Variants in SUFU observed in about 807,000 individuals in gnomAD.
SUFU encodes suppressor of fused homolog.
A neutral mutation model predicts 58.9 loss-of-function variants in SUFU; 7 were observed. The observed-to-expected ratio is 0.12, with a 90% CI of 0.07 to 0.22. SUFU has a LOEUF of 0.22. SUFU is among the 10% of genes least tolerant of loss of function. The pLI is 1.00. For missense variants in SUFU, 451 were observed against 641.3 expected (o/e 0.70, Z 3.20); for synonymous variants, 232 against 254.8 (o/e 0.91, Z 0.85).
chr10:102,558,218 T>A (rs2063001145), intron 3 of SUFU, among the ~76,000 whole-genome samples: 1 of 152,102 alleles, frequency 6.6e-6, no homozygotes, highest in African/African-American at 2.4e-5. Context: ...TTAATTGATT[T>A]TTGAGACAGG....
chr10:102,572,838 A>T (rs975901154), intron 3 of SUFU: 24 of 820,868 alleles, frequency 2.9e-5, no homozygotes, highest in Non-Finnish European at 5.1e-5. Flanking sequence ...TCTCTCCATC[A>T]CGCTGAATCA....
chr10:102,633,303 A>G lies in SUFU; in HGVS notation c.*3148A>G, dbSNP rs1393488526. The G allele has an allele frequency of 3.0e-5, 7 of 233,030 alleles. No homozygotes were observed. The highest frequency in any genetic ancestry group is 1.5e-4 in the African/African-American group (7 of 45,318). The allele number at this position is 233,030 out of a possible 1,614,324, so 14.4% of individuals were successfully genotyped here. On this transcript the variant is annotated 3_prime_UTR_variant, in exon 12 of 12. Coordinates refer to ENST00000369902, the MANE Select transcript of SUFU (RefSeq NM_016169.4). ...CAAGCAGATTTTTGTAAAATTTTAT[A>G]TTAGTTTTTAATGTCAGTGGCGACT... is the stretch of plus-strand genomic sequence containing the variant.
intron 3 of SUFU, among the ~76,000 whole-genome samples, chr10:102,570,319 G>A (rs1398861918): frequency 1.3e-5 from 2 of 151,950 alleles, no homozygotes; most frequent in Admixed American, 6.6e-5. Flanking sequence ...TCGGCTCACT[G>A]CAACCTCCGC....
rs202247757 is a variant in SUFU at position 102,597,307 on chromosome 10, C to T, written c.910+14C>T. ...TCTCTGGCAAAGGTGGGAGCCATCA[C>T]TCAGCATTCCACCAGCCTTCCTCCT... On this transcript the variant is annotated intron_variant, in intron 7 of 11. Coordinates refer to ENST00000369902, the MANE Select transcript of SUFU (RefSeq NM_016169.4). 1.8e-3 allele frequency: 2,824 copies of T among 1,610,006 alleles called. 3 individuals are homozygous for T. The highest frequency in any genetic ancestry group is 2.2e-3 in the Non-Finnish European group (2,534 of 1,178,144).
At chr10:102,609,707 A>G (rs1302932858) in intron 8 of SUFU, among the ~76,000 whole-genome samples, 1 of 152,206 alleles carries the variant, frequency 6.6e-6, no homozygotes, top group African/African-American at 2.4e-5. Context: ...GGTTGAATCT[A>G]TTATTTCAGC....
At chr10:102,515,465 G>A (rs532034079) in intron 2 of SUFU, among the ~76,000 whole-genome samples, 72 of 152,078 alleles carry the variant, frequency 4.7e-4, no homozygotes, top group Non-Finnish European at 9.1e-4. Context: ...ACAGGCGCAT[G>A]CCACCATGCC....
chr10:102,576,363 T>C (rs867089996), intron 3 of SUFU, among the ~76,000 whole-genome samples: 2 of 152,166 alleles, frequency 1.3e-5, no homozygotes, highest in South Asian at 4.1e-4. Context: ...TAAATGAAAC[T>C]GTACTGCCCT....
chr10:102,531,188 G>C, intron 2 of SUFU, among the ~76,000 whole-genome samples: 1 of 152,100 alleles, frequency 6.6e-6, no homozygotes, highest in Admixed American at 6.5e-5. Context: ...CTGGAAGGCT[G>C]AGGCAGCAGT....
Position 102,625,912 on chromosome 10 carries a change from G to A in SUFU, c.1297-1263G>A, listed in dbSNP as rs1223325507. ...AGCGTGGAAACTTTTGTTCTTGGCA[G>A]CTGACAATTCCCAGGGGAAACCTGG... On this transcript the variant is annotated intron_variant, in intron 10 of 11. Transcript: ENST00000369902. The surrounding 1 kb of genome is among the most constrained non-coding windows in gnomAD (Gnocchi z 4.7). Among the ~76,000 whole-genome samples the A allele has an allele frequency of 6.6e-6, 1 of 152,190 alleles. No homozygotes were observed. The highest frequency in any genetic ancestry group is 1.9e-4 in the East Asian group (1 of 5,196).
upstream of SUFU, among the ~76,000 whole-genome samples, chr10:102,503,645 C>A (rs1176142602): frequency 1.3e-5 from 2 of 152,160 alleles, no homozygotes; most frequent in African/African-American, 2.4e-5. Context: ...ATGAATCAAT[C>A]CATTGTCAGA....
intron 2 of SUFU, among the ~76,000 whole-genome samples, chr10:102,530,708 C>T (rs1480773777): frequency 3.3e-5 from 5 of 151,890 alleles, no homozygotes; most frequent in African/African-American, 2.4e-5. Context: ...ACTGCCTCGG[C>T]CTCCCAAAGT....
At chr10:102,548,529 T>C (rs1421416348) in intron 2 of SUFU, among the ~76,000 whole-genome samples, 1 of 152,228 alleles carries the variant, frequency 6.6e-6, no homozygotes, top group Admixed American at 6.5e-5. Flanking sequence ...GCTGTCATCT[T>C]AGTTTATGGT....
In SUFU at chr10:102,504,055, C is replaced by T. The variant is rs1377245204; in HGVS notation, c.-98C>T. 4 of 1,436,792 alleles carry T rather than the reference C, an allele frequency of 2.8e-6. No homozygotes were observed. Among genetic ancestry groups the T allele is most frequent in the Middle Eastern group, 2.5e-4 (1 of 3,990 alleles). The allele number at this position is 1,436,792 out of a possible 1,614,324, so 89.0% of individuals were successfully genotyped here. A position where few individuals can be genotyped will look rare whatever the true frequency, so the allele number is the denominator to read the frequency against. On this transcript the variant is annotated 5_prime_UTR_variant, in exon 1 of 12. Coordinates refer to ENST00000369902, the MANE Select transcript of SUFU (RefSeq NM_016169.4). ...GACCTCGCTGCAGCCCCCATCGCCT[C>T]GGGGAGTCTCACCCACCGAGTCCGC...
At chr10:102,521,850 T>C (rs990880402) in intron 2 of SUFU, among the ~76,000 whole-genome samples, 5 of 152,242 alleles carry the variant, frequency 3.3e-5, no homozygotes, top group Non-Finnish European at 7.3e-5. Context: ...TTTTTTTCAC[T>C]TATAAAAACA....
At chr10:102,569,446 C>G (rs1211209455) in intron 3 of SUFU, among the ~76,000 whole-genome samples, 1 of 152,196 alleles carries the variant, frequency 6.6e-6, no homozygotes, top group South Asian at 2.1e-4. Flanking sequence ...ACAGGCTACT[C>G]AGACTCTGTG....
intron 10 of SUFU, among the ~76,000 whole-genome samples, chr10:102,622,800 C>CAGAG (rs1210215805): frequency 6.9e-6 from 1 of 144,878 alleles, no homozygotes; most frequent in Non-Finnish European, 1.5e-5. Context: ...GCCTGGGTGA[C>CAGAG]AGAGTGAGAC....
At chr10:102,623,241 T>C (rs1352698946) in intron 10 of SUFU, among the ~76,000 whole-genome samples, 1 of 152,210 alleles carries the variant, frequency 6.6e-6, no homozygotes, top group African/African-American at 2.4e-5. Context: ...AGTGCTGTTA[T>C]CAATATTATT....
intron 8 of SUFU, among the ~76,000 whole-genome samples, chr10:102,601,646 A>G (rs916578021): frequency 1.3e-5 from 2 of 152,164 alleles, no homozygotes; most frequent in African/African-American, 4.8e-5. Context: ...ACATTCTCCA[A>G]CACACCCCTC....
At chr10:102,517,250 T>G (rs1208028380) in intron 2 of SUFU, among the ~76,000 whole-genome samples, 2 of 152,084 alleles carry the variant, frequency 1.3e-5, no homozygotes, top group Non-Finnish European at 2.9e-5. Context: ...ATCTCGCCAC[T>G]GCACTCCAGT....
Sources: gnomAD v4.1 joint callset for allele counts (sites outside exome capture counted in the v4.1 genomes callset) on GRCh38, gnomAD v4.1.1 for gene constraint, Gnocchi (gnomAD v3.1) non-coding constraint, MANE v1.5 for transcripts, NCBI Gene and HGNC (gene_info 2026-07-23, HGNC 2026-07-21) for gene names.